The following DIAPH2 variants were observed in gnomAD, a reference collection of about 807,000 sequenced individuals.
The protein encoded by DIAPH2 is diaphanous related formin 2.
In DIAPH2, 35 loss-of-function variants were observed where a neutral mutation model predicts 92.7. The ratio of observed to expected loss-of-function variants is 0.38; its 90% confidence interval spans 0.29 to 0.50. The LOEUF (loss-of-function observed/expected upper bound fraction) is 0.50, where lower values mean the gene tolerates loss of function less well. Ranked by LOEUF, DIAPH2 falls within the 20% of genes least tolerant of loss-of-function variation. The pLI is 0.94. For missense variants in DIAPH2, 701 were observed against 819.5 expected (o/e 0.86, Z 1.77); for synonymous variants, 301 against 280.4 (o/e 1.07, Z -0.73).
intron 9 of DIAPH2, among the ~76,000 whole-genome samples, chrX:96,922,292 TAA>T (rs201416336): frequency 0.022 from 2,489 of 111,414 alleles, 114 homozygotes; most frequent in Admixed American, 0.15. Flanking sequence ...TGATTTTTCC[TAA>T]GTCTTCTCTT....
At chrX:97,237,713 C>T (rs1029808456) in intron 22 of DIAPH2, among the ~76,000 whole-genome samples, 11 of 110,478 alleles carry the variant, frequency 1.0e-4, no homozygotes, top group African/African-American at 3.0e-4. Flanking sequence ...TCCCCAGTAG[C>T]TGGTACCACA....
chrX:97,140,040 T>C (rs1177954573), intron 21 of DIAPH2, among the ~76,000 whole-genome samples: 4 of 110,934 alleles, frequency 3.6e-5, no homozygotes, highest in Non-Finnish European at 7.6e-5. Context: ...AAAAAAATTG[T>C]TTTTGTCTCC....
intron 4 of DIAPH2, among the ~76,000 whole-genome samples, chrX:96,765,279 C>T (rs1311926570): frequency 2.9e-5 from 3 of 103,616 alleles, no homozygotes; most frequent in South Asian, 4.5e-4. Flanking sequence ...CTCACTGCAT[C>T]CTTGATCTCC....
At chrX:97,102,065 G>A (rs181266443) in intron 20 of DIAPH2, among the ~76,000 whole-genome samples, 164 of 111,997 alleles carry the variant, frequency 1.5e-3, no homozygotes, top group African/African-American at 4.9e-3. Context: ...GAAAACCTCC[G>A]GTGTCTCCCT....
chrX:97,548,829 T>C, intron 26 of DIAPH2, among the ~76,000 whole-genome samples: 1 of 112,422 alleles, frequency 8.9e-6, no homozygotes, highest in Non-Finnish European at 1.9e-5. Context: ...GAAAGTTTTT[T>C]CTTGTCACAG....
intron 15 of DIAPH2, 105 bp downstream of exon 15, chrX:96,949,144 G>T: frequency 2.2e-6 from 1 of 449,703 alleles, no homozygotes; most frequent in Non-Finnish European, 3.7e-6. Context: ...CAGACTTTTT[G>T]GCAGTTTTAC....
chrX:96,792,544 A>G (rs2064508931), intron 4 of DIAPH2, among the ~76,000 whole-genome samples: 1 of 112,143 alleles, frequency 8.9e-6, no homozygotes, highest in Non-Finnish European at 1.9e-5. Context: ...CATTTTATTT[A>G]AACTTACTTT....
chrX:97,322,173 G>GC (rs2068903976), intron 23 of DIAPH2, among the ~76,000 whole-genome samples: 3 of 112,263 alleles, frequency 2.7e-5, no homozygotes, highest in African/African-American at 6.4e-5. Flanking sequence ...TTCACACTTT[G>GC]CAGACCCCTT....
At chrX:97,374,706 T>TA (rs1217231677) in intron 24 of DIAPH2, among the ~76,000 whole-genome samples, 1 of 112,242 alleles carries the variant, frequency 8.9e-6, no homozygotes, top group African/African-American at 3.2e-5. Context: ...ATATGCCCTT[T>TA]AAACACAGTG....
At chrX:96,791,585 T>C (rs1297588236) in intron 4 of DIAPH2, among the ~76,000 whole-genome samples, 1 of 108,029 alleles carries the variant, frequency 9.3e-6, no homozygotes, top group Non-Finnish European at 1.9e-5. Context: ...TGCTTGAACC[T>C]TGGTGCCATC....
At chrX:97,005,009 TG>T (rs760505952) in intron 17 of DIAPH2, among the ~76,000 whole-genome samples, 1 of 111,860 alleles carries the variant, frequency 8.9e-6, no homozygotes, top group Non-Finnish European at 1.9e-5. Context: ...GTTTTTATCA[TG>T]AAGGGATGTT....
chrX:97,009,348 G>A (rs951740639), intron 17 of DIAPH2, among the ~76,000 whole-genome samples: 6 of 111,711 alleles, frequency 5.4e-5, no homozygotes, highest in African/African-American at 2.0e-4. Flanking sequence ...CACAGGGCAG[G>A]TCCAGAAATG....
At chrX:97,017,931 C>G (rs1388627073) in intron 17 of DIAPH2, among the ~76,000 whole-genome samples, 1 of 112,199 alleles carries the variant, frequency 8.9e-6, no homozygotes, top group Non-Finnish European at 1.9e-5. Context: ...GGTGGAGAGC[C>G]AGGACTCGAG....
chrX:97,364,762 T>TTTTTTTG (rs1372954260), intron 24 of DIAPH2, among the ~76,000 whole-genome samples: 1 of 101,745 alleles, frequency 9.8e-6, no homozygotes, highest in African/African-American at 3.6e-5. Context: ...TCCTGGTGTT[T>TTTTTTTG]TTTTTTTTTT....
At chrX:97,372,964 C>T (rs183292588) in intron 24 of DIAPH2, among the ~76,000 whole-genome samples, 143 of 108,260 alleles carry the variant, frequency 1.3e-3, no homozygotes, top group African/African-American at 4.7e-3. Context: ...GCAACAAGAG[C>T]GAAACTCCGT....
intron 22 of DIAPH2, among the ~76,000 whole-genome samples, chrX:97,204,286 C>T (rs768031905): frequency 7.6e-4 from 85 of 111,880 alleles, no homozygotes; most frequent in African/African-American, 2.8e-3. Context: ...CCTCTCTCAC[C>T]ACTCCTATTC....
intron 23 of DIAPH2, among the ~76,000 whole-genome samples, chrX:97,248,742 G>C (rs969609062): frequency 3.6e-5 from 4 of 111,436 alleles, no homozygotes; most frequent in African/African-American, 1.3e-4. Flanking sequence ...TTGTTTCAAG[G>C]TTAAATCTAT....
At chrX:97,186,041 G>C (rs1280680628) in intron 22 of DIAPH2, among the ~76,000 whole-genome samples, 1 of 110,389 alleles carries the variant, frequency 9.1e-6, no homozygotes, top group East Asian at 2.8e-4. Context: ...AGTCAAGTTA[G>C]ATTATCCCAA....
intron 23 of DIAPH2, among the ~76,000 whole-genome samples, chrX:97,289,283 G>A (rs1420767296): frequency 8.9e-6 from 1 of 112,001 alleles, no homozygotes; most frequent in Non-Finnish European, 1.9e-5. Flanking sequence ...AATCCATTCA[G>A]AAATTCAGAA....
Sources: allele counts gnomAD v4.1 joint callset (sites outside exome capture counted in the v4.1 genomes callset), GRCh38; gene constraint gnomAD v4.1.1; transcripts MANE v1.5; gene names NCBI Gene and HGNC (gene_info 2026-07-23, HGNC 2026-07-21).